ST6GALNAC3: variants seen among roughly 807,000 people sequenced by gnomAD.
ST6GALNAC3 encodes the protein ST6 N-acetylgalactosaminide alpha-2,6-sialyltransferase 3.
A neutral mutation model predicts 32.7 loss-of-function variants in ST6GALNAC3; 25 were observed. The ratio of observed to expected loss-of-function variants is 0.76; its 90% CI spans 0.56 to 1.07. The LOEUF is 1.07. Ranked by LOEUF, ST6GALNAC3 falls within the 50% of genes least tolerant of loss-of-function variation. The probability of loss-of-function intolerance (pLI) is 0.00; values close to 1 mark genes in which losing one functional copy is unlikely to be tolerated. For missense variants in ST6GALNAC3, 355 were observed against 382.4 expected (o/e 0.93, Z 0.60); for synonymous variants, 129 against 133.1 (o/e 0.97, Z 0.21).
intron 1 of ST6GALNAC3, among the ~76,000 whole-genome samples, chr1:76,276,698 C>T (rs1189561629): frequency 6.6e-6 from 1 of 151,940 alleles, no homozygotes; most frequent in Admixed American, 6.6e-5. Context: ...ATGGCATTGC[C>T]GAATGAAACC....
chr1:76,370,340 T>G (rs1177000334), intron 2 of ST6GALNAC3, among the ~76,000 whole-genome samples: 1 of 152,214 alleles, frequency 6.6e-6, no homozygotes, highest in Non-Finnish European at 1.5e-5. Context: ...ACTCCAGACT[T>G]GATAGAATTA....
At chr1:76,347,157 T>C (rs1449169623) in intron 2 of ST6GALNAC3, among the ~76,000 whole-genome samples, 6 of 152,192 alleles carry the variant, frequency 3.9e-5, no homozygotes, top group African/African-American at 1.2e-4. Context: ...CTCTGCAAAG[T>C]TGATGTTAGC....
intron 3 of ST6GALNAC3, among the ~76,000 whole-genome samples, chr1:76,580,365 A>C (rs1233760761): frequency 2.6e-5 from 4 of 151,996 alleles, no homozygotes; most frequent in Non-Finnish European, 2.9e-5. Context: ...TCTCCCTTTC[A>C]CTAGGCCTAC....
At chr1:76,603,148 C>G (rs1041707713) in intron 3 of ST6GALNAC3, among the ~76,000 whole-genome samples, 11 of 152,260 alleles carry the variant, frequency 7.2e-5, no homozygotes, top group African/African-American at 2.4e-4. Flanking sequence ...TAAATTGGTC[C>G]CAATCCCTTG....
intron 1 of ST6GALNAC3, among the ~76,000 whole-genome samples, chr1:76,187,785 G>A (rs72674481): frequency 0.035 from 5,359 of 152,066 alleles, 211 homozygotes; most frequent in African/African-American, 0.098. Flanking sequence ...AGAAAACCGT[G>A]GTGAGCAGCC....
At chr1:76,077,997 T>A (rs1447925403) in intron 1 of ST6GALNAC3, among the ~76,000 whole-genome samples, 3 of 152,140 alleles carry the variant, frequency 2.0e-5, no homozygotes, top group Non-Finnish European at 4.4e-5. Context: ...ACTACATAGG[T>A]CCATGGAGGG....
intron 1 of ST6GALNAC3, among the ~76,000 whole-genome samples, chr1:76,208,359 T>G (rs1008579305): frequency 6.6e-6 from 1 of 152,270 alleles, no homozygotes; most frequent in African/African-American, 2.4e-5. Context: ...TTTGGTCATT[T>G]TCACTTTATC....
chr1:76,363,840 T>C (rs757222124), intron 2 of ST6GALNAC3, among the ~76,000 whole-genome samples: 8 of 152,078 alleles, frequency 5.3e-5, no homozygotes, highest in Non-Finnish European at 1.0e-4. Flanking sequence ...AGAGAGGTGC[T>C]ACACACTTTT....
chr1:76,126,713 C>T (rs1180204965), intron 1 of ST6GALNAC3, among the ~76,000 whole-genome samples: 1 of 152,178 alleles, frequency 6.6e-6, no homozygotes, highest in African/African-American at 2.4e-5. Context: ...TCTGCAGTTC[C>T]ATTCCCATGT....
intron 1 of ST6GALNAC3, among the ~76,000 whole-genome samples, chr1:76,184,939 A>G (rs1042022647): frequency 6.6e-6 from 1 of 152,346 alleles, no homozygotes; most frequent in Middle Eastern, 3.4e-3. Flanking sequence ...ATGAGAAATA[A>G]TAATGATAAA....
At chr1:76,105,607 A>G (rs1647469844) in intron 1 of ST6GALNAC3, among the ~76,000 whole-genome samples, 1 of 152,184 alleles carries the variant, frequency 6.6e-6, no homozygotes, top group South Asian at 2.1e-4. Flanking sequence ...TCATTTAATT[A>G]CCACTTTTTC....
chr1:76,163,904 T>C (rs1377688179), intron 1 of ST6GALNAC3, among the ~76,000 whole-genome samples: 1 of 152,168 alleles, frequency 6.6e-6, no homozygotes, highest in African/African-American at 2.4e-5. Context: ...ACGGCCGACA[T>C]GCATGCCAGA....
chr1:76,442,761 C>A (rs1656705883), intron 3 of ST6GALNAC3, among the ~76,000 whole-genome samples: 1 of 152,138 alleles, frequency 6.6e-6, no homozygotes, highest in South Asian at 2.1e-4. Flanking sequence ...AGGACCCCTC[C>A]TTTGGTTTTC....
chr1:76,087,274 C>A (rs1472552839), intron 1 of ST6GALNAC3, among the ~76,000 whole-genome samples: 1 of 152,186 alleles, frequency 6.6e-6, no homozygotes, highest in Non-Finnish European at 1.5e-5. Context: ...CCATATACCA[C>A]TCTAGGTTTC....
At chr1:76,370,178 A>G (rs1650706962) in intron 2 of ST6GALNAC3, among the ~76,000 whole-genome samples, 1 of 152,288 alleles carries the variant, frequency 6.6e-6, no homozygotes, top group Admixed American at 6.5e-5. Context: ...ATTTTCACAT[A>G]CAAGGATTCT....
chr1:76,316,840 A>AT (rs1646875348), intron 2 of ST6GALNAC3, among the ~76,000 whole-genome samples: 1 of 152,156 alleles, frequency 6.6e-6, no homozygotes, highest in African/African-American at 2.4e-5. Context: ...TTTACCATTT[A>AT]CCATGGGGAA....
At chr1:76,266,795 G>A (rs1293628703) in intron 1 of ST6GALNAC3, among the ~76,000 whole-genome samples, 1 of 152,078 alleles carries the variant, frequency 6.6e-6, no homozygotes, top group African/African-American at 2.4e-5. Flanking sequence ...AGAATGTTGG[G>A]AATTACCTGA....
At chr1:76,259,957 T>G (rs1408097126) in intron 1 of ST6GALNAC3, among the ~76,000 whole-genome samples, 1 of 152,178 alleles carries the variant, frequency 6.6e-6, no homozygotes, top group Admixed American at 6.5e-5. Context: ...TCTGTCTTCT[T>G]TTCCATCTCT....
intron 1 of ST6GALNAC3, among the ~76,000 whole-genome samples, chr1:76,089,393 C>T (rs1647012400): frequency 6.6e-6 from 1 of 152,006 alleles, no homozygotes; most frequent in Non-Finnish European, 1.5e-5. Context: ...TTGGCTCTGG[C>T]CATTGTATTT....
Sources: allele counts gnomAD v4.1 joint callset (sites outside exome capture counted in the v4.1 genomes callset), GRCh38; gene constraint gnomAD v4.1.1; transcripts MANE v1.5; gene names NCBI Gene and HGNC (gene_info 2026-07-23, HGNC 2026-07-21).